Variants in PREX2 observed in about 807,000 individuals in gnomAD.
The protein encoded by PREX2 is phosphatidylinositol-3,4,5-trisphosphate dependent Rac exchange factor 2.
In PREX2, 107 loss-of-function variants were observed where a neutral mutation model predicts 203.2. The ratio of observed to expected loss-of-function variants is 0.53; its 90% confidence interval spans 0.45 to 0.62. The LOEUF (loss-of-function observed/expected upper bound fraction) is 0.62. Among genes scored for constraint, PREX2 ranks in the 20% least tolerant of loss-of-function variants. The pLI, the probability that PREX2 is intolerant of heterozygous loss-of-function variation, is 0.00. For synonymous variants in PREX2, 672 were observed against 663.6 expected (o/e 1.01, Z -0.19); for missense variants, 1,777 against 1,955.9 (o/e 0.91, Z 1.72).
At chr8:68,202,851 T>C (rs1812534652) in intron 37 of PREX2, among the ~76,000 whole-genome samples, 1 of 152,168 alleles carries the variant, frequency 6.6e-6, no homozygotes, top group Non-Finnish European at 1.5e-5. Context: ...GGGAAGCCAG[T>C]AGTGTGGCTC....
rs1455787099 is a variant in PREX2 at position 68,134,138 on chromosome 8, C to T, written c.3846C>T (p.Leu1282=). 2 of 1,614,030 alleles carry T rather than the reference C, an allele frequency of 1.2e-6. No individual in the cohort carries two copies. The highest frequency in any genetic ancestry group is 1.3e-5 in the African/African-American group (1 of 74,932). The change falls in exon 32 of 40, where the codon CTC becomes CTT. Residue 1282 remains leucine, a synonymous_variant. Coordinates refer to ENST00000288368, the MANE Select transcript of PREX2 (RefSeq NM_024870.4). ...CTGTCTGTGCCTTCTCTGAGCAGCT[C>T]ATGGCGGCCTTGAACCAGATGTTTG... The part of the protein sequence containing the change: ...VATVCAFSEQ[L]MAALNQMFDN...
intron 35 of PREX2, among the ~76,000 whole-genome samples, chr8:68,172,984 G>A (rs1811908540): frequency 6.6e-6 from 1 of 152,098 alleles, no homozygotes; most frequent in South Asian, 2.1e-4. Context: ...AGCTTCAGCT[G>A]GAATTAATCA....
At position 68,069,830 on chromosome 8, in the gene PREX2, C is replaced by T. The variant is rs536045609; in HGVS notation, c.1444-5C>T. 8.2e-5 allele frequency: 121 copies of T among 1,473,844 alleles called. 1 individual carries two copies. The South Asian group carries it at 1.4e-3, about 17-fold the overall frequency. The allele number at this position is 1,473,844 out of a possible 1,614,324, so 91.3% of individuals were successfully genotyped here. A position where few individuals can be genotyped will look rare whatever the true frequency, so the allele number is the denominator to read the frequency against. Reference sequence around the variant, plus strand: ...TTGTTTTTGATATATCTCTATTTTACGTAGGGTGTAAGATTATATTGTCGT... The same window carrying T: ...TTGTTTTTGATATATCTCTATTTTATGTAGGGTGTAAGATTATATTGTCGT... On this transcript the variant is annotated splice_region_variant and splice_polypyrimidine_tract_variant and intron_variant, in intron 12 of 39. Transcript: ENST00000288368.
At position 68,093,700 on chromosome 8, in the gene PREX2, T is replaced by A. The variant is rs2129612362; in HGVS notation, c.2346T>A (p.Asp782Glu). The change falls in exon 21 of 40, where the codon GAT becomes GAA. Residue 782 changes from aspartate (D) to glutamate (E), a missense_variant. Coordinates refer to ENST00000288368, the MANE Select transcript of PREX2 (RefSeq NM_024870.4). ...AGCCCCCTGGAGATGAAGCAGGGGA[T>A]GCTTTTGACTGTAAAGTAGAAGGTA... ...HSKPPGDEAG[D>E]AFDCKVEEVI... is the part of the protein sequence containing the mutation. 6.3e-7 allele frequency: 1 copy of A among 1,589,188 alleles called. No homozygotes were observed. Among genetic ancestry groups the A allele is most frequent in the Non-Finnish European group, 8.6e-7 (1 of 1,158,948 alleles).
At chr8:68,002,530 T>C (rs529865133) in intron 1 of PREX2, among the ~76,000 whole-genome samples, 49 of 152,342 alleles carry the variant, frequency 3.2e-4, no homozygotes, top group African/African-American at 1.1e-3. Flanking sequence ...TTTGTCCTAA[T>C]AGAAGCGTTC....
chr8:68,162,905 T>C (rs1017267250), intron 35 of PREX2, among the ~76,000 whole-genome samples: 2 of 152,206 alleles, frequency 1.3e-5, no homozygotes, highest in Non-Finnish European at 2.9e-5. Flanking sequence ...TCATACAAGC[T>C]ACAGTTTTAT....
intron 8 of PREX2, among the ~76,000 whole-genome samples, chr8:68,048,133 T>C (rs1261587333): frequency 6.6e-6 from 1 of 152,084 alleles, no homozygotes; most frequent in African/African-American, 2.4e-5. Context: ...ATTCAACCAT[T>C]CTTCAGATTT....
chr8:68,137,637 A>G (rs1422334920), intron 32 of PREX2, among the ~76,000 whole-genome samples: 1 of 152,170 alleles, frequency 6.6e-6, no homozygotes, highest in Non-Finnish European at 1.5e-5. Context: ...AGTTAATTAT[A>G]TTTTCATGAT....
chr8:67,960,337 C>T (rs1435017244), intron 1 of PREX2, among the ~76,000 whole-genome samples: 1 of 152,088 alleles, frequency 6.6e-6, no homozygotes, highest in African/African-American at 2.4e-5. Context: ...CCACGGTGCC[C>T]GGCCGGAAGT....
chr8:68,176,013 G>T (rs1352011270), intron 35 of PREX2, among the ~76,000 whole-genome samples: 1 of 151,988 alleles, frequency 6.6e-6, no homozygotes, highest in African/African-American at 2.4e-5. Flanking sequence ...GATTGTAAAG[G>T]AAATCCCAGA....
chr8:68,196,193 A>G lies in PREX2; in HGVS notation c.4604+3668A>G, dbSNP rs181785880. Among the ~76,000 whole-genome samples the G allele has an allele frequency of 8.1e-4, 123 of 152,090 alleles. 2 individuals are homozygous for G. The highest frequency in any genetic ancestry group is 2.8e-3 in the African/African-American group (117 of 41,532). ...AGTTTAATGTCATCATTGCTATTAAATAGTGGCAGAGGAGTAGGCTGGACT... is the reference window on the plus strand; with the variant it reads ...AGTTTAATGTCATCATTGCTATTAAGTAGTGGCAGAGGAGTAGGCTGGACT... On this transcript the variant is annotated intron_variant, in intron 37 of 39. Coordinates refer to ENST00000288368, the MANE Select transcript of PREX2 (RefSeq NM_024870.4).
At chr8:67,960,289 A>G (rs570185062) in intron 1 of PREX2, among the ~76,000 whole-genome samples, 95 of 151,880 alleles carry the variant, frequency 6.3e-4, no homozygotes, top group Middle Eastern at 6.8e-3. Flanking sequence ...AAGTTCCCCC[A>G]CCTCAGCCTC....
chr8:68,002,155 C>CTTTCT (rs1554563452), intron 1 of PREX2, among the ~76,000 whole-genome samples: 62 of 140,148 alleles, frequency 4.4e-4, no homozygotes, highest in African/African-American at 1.0e-3. Context: ...TTCTTTCTTT[C>CTTTCT]TTTTTTTTTT....
intron 1 of PREX2, among the ~76,000 whole-genome samples, chr8:67,978,467 A>G (rs1359597321): frequency 6.6e-6 from 1 of 152,232 alleles, no homozygotes; most frequent in Admixed American, 6.5e-5. Flanking sequence ...AGACTTATCC[A>G]TTATATAATC....
intron 1 of PREX2, among the ~76,000 whole-genome samples, chr8:68,009,318 C>T (rs1807197128): frequency 6.6e-6 from 1 of 152,186 alleles, no homozygotes; most frequent in South Asian, 2.1e-4. Context: ...AGAATATTAT[C>T]TATACAATGT....
At chr8:68,154,532 G>T (rs868264298) in intron 34 of PREX2, among the ~76,000 whole-genome samples, 3 of 152,220 alleles carry the variant, frequency 2.0e-5, no homozygotes, top group African/African-American at 7.2e-5. Context: ...TTGACAGACT[G>T]AATCCTCCTG....
At chr8:68,060,592 C>T (rs190509442) in intron 10 of PREX2, 87 bp from the exon 11 acceptor site, 44 of 805,566 alleles carry the variant, frequency 5.5e-5, no homozygotes, top group Non-Finnish European at 6.1e-6. Context: ...AGATTCCTTT[C>T]ATCATTGCTT....
Position 68,065,997 on chromosome 8 carries a change from T to C in PREX2, c.1340-3036T>C, listed in dbSNP as rs1356193395. ...GAAATGATCACCACAATCAAGCTAATTAGTGTATTAATCGCTTCACATAGT... is the reference window on the plus strand; with the variant it reads ...GAAATGATCACCACAATCAAGCTAACTAGTGTATTAATCGCTTCACATAGT... On this transcript the variant is annotated intron_variant, in intron 11 of 39. Coordinates refer to ENST00000288368, the MANE Select transcript of PREX2 (RefSeq NM_024870.4). 2.6e-5 allele frequency among the ~76,000 whole-genome samples: 4 copies of C among 152,296 alleles called. 1 individual carries two copies. Among genetic ancestry groups the C allele is most frequent in the Non-Finnish European group, 1.5e-5 (1 of 68,004 alleles).
At chr8:68,107,709 C>G (rs995675063) in intron 23 of PREX2, among the ~76,000 whole-genome samples, 1 of 152,078 alleles carries the variant, frequency 6.6e-6, no homozygotes, top group Non-Finnish European at 1.5e-5. Flanking sequence ...TGGCAGCTAC[C>G]CTGTTTTGCC....
Sources: allele counts gnomAD v4.1 joint callset (sites outside exome capture counted in the v4.1 genomes callset), GRCh38; gene constraint gnomAD v4.1.1; transcripts MANE v1.5; gene names NCBI Gene and HGNC (gene_info 2026-07-23, HGNC 2026-07-21).